BZW2: variants seen among roughly 807,000 people sequenced by gnomAD.
BZW2 encodes the protein basic leucine zipper and W2 domains 2.
A neutral mutation model predicts 53.2 loss-of-function variants in BZW2; 23 were observed. The observed-to-expected ratio is 0.43, with a 90% confidence interval of 0.31 to 0.61. The LOEUF (loss-of-function observed/expected upper bound fraction) is 0.61, where lower values mean the gene tolerates loss of function less well. Among genes scored for constraint, BZW2 ranks in the 20% least tolerant of loss-of-function variants. The pLI is 0.09. For synonymous variants in BZW2, 227 were observed against 186.4 expected (o/e 1.22, Z -1.77); for missense variants, 409 against 503.1 (o/e 0.81, Z 1.79).
intron 3 of BZW2, among the ~76,000 whole-genome samples, chr7:16,679,343 C>T (rs549608869): frequency 4.6e-5 from 7 of 152,304 alleles, no homozygotes; most frequent in East Asian, 1.9e-4. Flanking sequence ...GTTCTTCTGC[C>T]GTGGCTTCAG....
At chr7:16,703,025 TAA>T (rs1188806147) in intron 10 of BZW2, among the ~76,000 whole-genome samples, 1 of 152,190 alleles carries the variant, frequency 6.6e-6, no homozygotes, top group Non-Finnish European at 1.5e-5. Flanking sequence ...TAATGTTCTT[TAA>T]AAGTCTCTGC....
At chr7:16,646,750 TA>T (rs1445453448) in intron 1 of BZW2, among the ~76,000 whole-genome samples, 1 of 152,198 alleles carries the variant, frequency 6.6e-6, no homozygotes, top group Admixed American at 6.5e-5. Flanking sequence ...CCCTCCCCAC[TA>T]CTTGTCATCT....
intron 7 of BZW2, among the ~76,000 whole-genome samples, chr7:16,693,583 G>C (rs1166843148): frequency 6.6e-6 from 1 of 152,118 alleles, no homozygotes. Context: ...GTTGAAACTT[G>C]GTTTACCGTC....
At chr7:16,672,420 C>T (rs1279056036) in intron 2 of BZW2, among the ~76,000 whole-genome samples, 2 of 151,898 alleles carry the variant, frequency 1.3e-5, no homozygotes. Flanking sequence ...GAGTTTTTTA[C>T]TTTTCCTATC....
At chr7:16,678,598 C>T (rs77354325) in intron 3 of BZW2, among the ~76,000 whole-genome samples, 3,553 of 152,244 alleles carry the variant, frequency 0.023, 126 homozygotes, top group African/African-American at 0.081. Flanking sequence ...TCTCAAAAGT[C>T]TGTAGTTTCA....
intron 3 of BZW2, among the ~76,000 whole-genome samples, chr7:16,677,531 A>T (rs1299683860): frequency 6.6e-6 from 1 of 152,180 alleles, no homozygotes; most frequent in East Asian, 1.9e-4. Context: ...CTTCAATGTC[A>T]TTAACATTGG....
At chr7:16,691,466 A>G (rs1783303056) in intron 7 of BZW2, among the ~76,000 whole-genome samples, 1 of 152,216 alleles carries the variant, frequency 6.6e-6, no homozygotes. Context: ...TTAGTTCCAC[A>G]TGCCTTTTCA....
At chr7:16,658,887 A>G (rs1207133643) in intron 1 of BZW2, among the ~76,000 whole-genome samples, 1 of 150,868 alleles carries the variant, frequency 6.6e-6, no homozygotes, top group East Asian at 1.9e-4. Context: ...AAAAATGTAT[A>G]TATATATATA....
intron 3 of BZW2, 46 bp from the exon 4 acceptor site, chr7:16,681,255 C>A: frequency 2.8e-6 from 4 of 1,449,014 alleles, no homozygotes; most frequent in Non-Finnish European, 3.9e-6. Flanking sequence ...AAATGCTGTT[C>A]TCAATTTCAG....
At chr7:16,647,747 G>A (rs551418263) in intron 1 of BZW2, among the ~76,000 whole-genome samples, 174 of 152,210 alleles carry the variant, frequency 1.1e-3, no homozygotes, top group African/African-American at 4.0e-3. Context: ...AGTATCATGC[G>A]GAAGAAACCC....
At chr7:16,697,311 GAA>G (rs1436523198) in intron 9 of BZW2, among the ~76,000 whole-genome samples, 1 of 152,066 alleles carries the variant, frequency 6.6e-6, no homozygotes, top group Non-Finnish European at 1.5e-5. Flanking sequence ...GGCTGGTCTT[GAA>G]CTCCTGCATT....
chr7:16,682,870 T>C, intron 5 of BZW2, 25 bp downstream of exon 5: 1 of 1,496,492 alleles, frequency 6.7e-7, no homozygotes, highest in East Asian at 2.3e-5. Flanking sequence ...ATAATGCCTA[T>C]CTGTTTTATA....
At position 16,674,440 on chromosome 7, in the gene BZW2, C is replaced by A. The variant is rs761427539; in HGVS notation, c.87C>A (p.Val29=). The part of the protein sequence containing the change: ...RDEKEKFEPT[V]FRDTLVQGLN... ...AAAAAGAGAAATTCGAACCCACAGTCTTCAGGGATACACTTGTCCAGGGGC... is the reference window on the plus strand; with the variant it reads ...AAAAAGAGAAATTCGAACCCACAGTATTCAGGGATACACTTGTCCAGGGGC... The change falls in exon 3 of 12, where the codon GTC becomes GTA. Residue 29 remains valine, a synonymous_variant. Transcript: ENST00000258761. 4 of 1,603,480 alleles carry A rather than the reference C, an allele frequency of 2.5e-6. No individual in the cohort carries two copies. Among genetic ancestry groups the A allele is most frequent in the Non-Finnish European group, 2.6e-6 (3 of 1,175,502 alleles).
intron 6 of BZW2, among the ~76,000 whole-genome samples, chr7:16,689,102 T>C (rs1783220411): frequency 6.6e-6 from 1 of 152,126 alleles, no homozygotes; most frequent in Non-Finnish European, 1.5e-5. Flanking sequence ...GGTGCATGCC[T>C]GTAATCCCAG....
At chr7:16,692,915 A>G (rs764310131) in intron 7 of BZW2, among the ~76,000 whole-genome samples, 35 of 152,226 alleles carry the variant, frequency 2.3e-4, no homozygotes, top group Non-Finnish European at 4.9e-4. Flanking sequence ...ATATCTCCAC[A>G]TAGAGCATTC....
At position 16,682,925 on chromosome 7, in the gene BZW2, C is replaced by T. The variant is rs552230357; in HGVS notation, c.405+80C>T. 1.6e-3 allele frequency: 1,469 copies of T among 921,502 alleles called. 28 individuals carry two copies. The South Asian group carries it at 0.019, about 12-fold the overall frequency. 57.1% of individuals were successfully genotyped at this position (921,502 alleles called of 1,614,324 possible). A position where few individuals can be genotyped will look rare whatever the true frequency, so the allele number is the denominator to read the frequency against. ...TAAAAATTTTATAAGTGGCCGGACACGGTGGCTCACGCCTGTAATCCCAGC... is the reference window on the plus strand; with the variant it reads ...TAAAAATTTTATAAGTGGCCGGACATGGTGGCTCACGCCTGTAATCCCAGC... On this transcript the variant is annotated intron_variant, in intron 5 of 11. Coordinates refer to ENST00000258761, the MANE Select transcript of BZW2 (RefSeq NM_014038.3).
intron 1 of BZW2, among the ~76,000 whole-genome samples, chr7:16,657,479 A>C (rs183342429): frequency 6.8e-4 from 104 of 152,212 alleles, no homozygotes; most frequent in African/African-American, 2.4e-3. Flanking sequence ...AAGTAGAAAA[A>C]GTTTGTCTGC....
intron 1 of BZW2, among the ~76,000 whole-genome samples, chr7:16,663,152 T>A (rs1782317685): frequency 6.6e-6 from 1 of 152,172 alleles, no homozygotes; most frequent in African/African-American, 2.4e-5. Flanking sequence ...TCAAATGAAA[T>A]GGGAATTCAT....
chr7:16,668,125 C>T (rs186042382), intron 2 of BZW2, among the ~76,000 whole-genome samples: 26 of 152,238 alleles, frequency 1.7e-4, no homozygotes, highest in Admixed American at 5.9e-4. Flanking sequence ...TATTGCCTGC[C>T]GCTGGGGGAT....
Sources: allele counts gnomAD v4.1 joint callset (sites outside exome capture counted in the v4.1 genomes callset), GRCh38; gene constraint gnomAD v4.1.1; transcripts MANE v1.5; gene names NCBI Gene and HGNC (gene_info 2026-07-23, HGNC 2026-07-21).